TENT5D: variants seen among roughly 807,000 people sequenced by gnomAD.
TENT5D encodes the protein cancer/testis antigen 112.
For synonymous variants in TENT5D, 103 were observed against 100.6 expected, an observed-to-expected ratio of 1.02 and a Z score of -0.15; for missense variants, 191 against 287.0, an observed-to-expected ratio of 0.67 and a Z score of 2.42.
intron 3 of TENT5D, among the ~76,000 whole-genome samples, chrX:80,397,143 G>C (rs1451113935): frequency 2.9e-5 from 3 of 104,377 alleles, no homozygotes; most frequent in Non-Finnish European, 5.9e-5. Context: ...CAGGGTGGCT[G>C]CCGGGCGGAG....
chrX:80,382,908 C>A (rs1179587273), intron 3 of TENT5D, among the ~76,000 whole-genome samples: 1 of 112,181 alleles, frequency 8.9e-6, no homozygotes, highest in Non-Finnish European at 1.9e-5. Flanking sequence ...TCACGGCTTC[C>A]CTTGGCCAGG....
intron 3 of TENT5D, among the ~76,000 whole-genome samples, chrX:80,385,748 A>T (rs1393897625): frequency 8.9e-6 from 1 of 112,343 alleles, no homozygotes; most frequent in Non-Finnish European, 1.9e-5. Flanking sequence ...CAACCCCATC[A>T]ACAAGTGGGT....
chrX:80,388,321 C>T (rs1168784261), intron 3 of TENT5D, among the ~76,000 whole-genome samples: 1 of 111,508 alleles, frequency 9.0e-6, no homozygotes, highest in Admixed American at 9.6e-5. Context: ...TCTGGATAGA[C>T]ACCACAGCTA....
At chrX:80,433,494 CA>C (rs1161633418) in intron 1 of TENT5D, among the ~76,000 whole-genome samples, 1 of 112,145 alleles carries the variant, frequency 8.9e-6, no homozygotes, top group Non-Finnish European at 1.9e-5. Flanking sequence ...GTGAACACAG[CA>C]AGAATTGTAT....
chrX:80,355,012 T>C, intron 3 of TENT5D, among the ~76,000 whole-genome samples: 1 of 111,887 alleles, frequency 8.9e-6, no homozygotes, highest in East Asian at 2.8e-4. Flanking sequence ...CCATTTGTTC[T>C]AACCCCGAGG....
chrX:80,402,550 C>T (rs1044074952), intron 3 of TENT5D, among the ~76,000 whole-genome samples: 2 of 111,975 alleles, frequency 1.8e-5, no homozygotes, highest in African/African-American at 6.5e-5. Flanking sequence ...CCTTTTAGAA[C>T]TGCTTTTGCT....
chrX:80,399,776 CTTT>C (rs998584597), intron 3 of TENT5D, among the ~76,000 whole-genome samples: 1 of 111,892 alleles, frequency 8.9e-6, no homozygotes, highest in Non-Finnish European at 1.9e-5. Context: ...AGCTTTTAAA[CTTT>C]TTTTTCACCA....
At chrX:80,357,378 A>C (rs1930306326) in intron 3 of TENT5D, among the ~76,000 whole-genome samples, 1 of 108,303 alleles carries the variant, frequency 9.2e-6, no homozygotes, top group Non-Finnish European at 1.9e-5. Flanking sequence ...AGTCCCACCA[A>C]CAGTGTAAAA....
chrX:80,392,870 T>C (rs777523157), intron 3 of TENT5D, among the ~76,000 whole-genome samples: 39 of 111,625 alleles, frequency 3.5e-4, no homozygotes, highest in African/African-American at 1.3e-3. Context: ...TGCCCTACAA[T>C]ATGATTAAGA....
intron 2 of TENT5D, among the ~76,000 whole-genome samples, chrX:80,341,687 G>A (rs915009971): frequency 1.1e-4 from 12 of 109,699 alleles, no homozygotes; most frequent in Non-Finnish European, 1.7e-4. Flanking sequence ...TTGTAGCTGA[G>A]GTATACTGAA....
chrX:80,388,155 G>A (rs1285383244), intron 3 of TENT5D, among the ~76,000 whole-genome samples: 1 of 110,504 alleles, frequency 9.0e-6, no homozygotes, highest in Non-Finnish European at 1.9e-5. Context: ...CCCAGGGAAG[G>A]TCCATAAATG....
chrX:80,418,134 T>G (rs995388893), upstream of TENT5D, among the ~76,000 whole-genome samples: 5 of 111,026 alleles, frequency 4.5e-5, no homozygotes, highest in Non-Finnish European at 9.4e-5. Context: ...AAAATCATTC[T>G]TACTTGAAAA....
chrX:80,354,703 A>T (rs931287264), intron 3 of TENT5D, among the ~76,000 whole-genome samples: 11 of 112,024 alleles, frequency 9.8e-5, no homozygotes, highest in African/African-American at 3.6e-4. Flanking sequence ...TCTGGTTAAG[A>T]GCCACTGCTG....
chrX:80,407,641 C>G (rs1428105639), intron 3 of TENT5D, among the ~76,000 whole-genome samples: 2 of 107,168 alleles, frequency 1.9e-5, no homozygotes, highest in African/African-American at 7.0e-5. Flanking sequence ...GACTCCCACA[C>G]AATAATAATG....
intron 3 of TENT5D, among the ~76,000 whole-genome samples, chrX:80,411,838 G>A (rs1040214040): frequency 2.7e-5 from 3 of 111,555 alleles, no homozygotes; most frequent in Non-Finnish European, 3.8e-5. Context: ...GAGAGTCTAC[G>A]GCTTTTCGAG....
At chrX:80,337,422 T>C (rs991601169) in intron 2 of TENT5D, among the ~76,000 whole-genome samples, 3 of 112,137 alleles carry the variant, frequency 2.7e-5, no homozygotes, top group African/African-American at 9.7e-5. Context: ...TTTTTCTGTT[T>C]TATAGTTGTG....
At chrX:80,340,892 A>G (rs1929944979) in intron 2 of TENT5D, among the ~76,000 whole-genome samples, 1 of 112,461 alleles carries the variant, frequency 8.9e-6, no homozygotes, top group South Asian at 3.7e-4. Context: ...AAACCAACAG[A>G]CAAATGATGA....
intron 3 of TENT5D, among the ~76,000 whole-genome samples, chrX:80,346,377 T>C (rs1055621373): frequency 6.2e-5 from 7 of 112,262 alleles, no homozygotes; most frequent in Admixed American, 3.8e-4. Context: ...TGCCGGGGCA[T>C]GTGATAAGCG....
At chrX:80,404,484 G>A (rs4826176) in intron 3 of TENT5D, among the ~76,000 whole-genome samples, 10,834 of 111,299 alleles carry the variant, frequency 0.097, 525 homozygotes, top group African/African-American at 0.18. Context: ...ACAGGGGCCC[G>A]CATGCTGGTT....
Sources: allele counts gnomAD v4.1 joint callset (sites outside exome capture counted in the v4.1 genomes callset), GRCh38; gene constraint gnomAD v4.1.1; transcripts MANE v1.5; gene names NCBI Gene and HGNC (gene_info 2026-07-23, HGNC 2026-07-21).